Variants in PTPRD observed in about 807,000 individuals in gnomAD.
The protein encoded by PTPRD is receptor-type tyrosine-protein phosphatase delta.
Under a neutral mutation model 214.5 loss-of-function variants are expected in PTPRD, and 34 were observed. The observed-to-expected ratio is 0.16, with a 90% confidence interval of 0.12 to 0.21. PTPRD has a LOEUF of 0.21. PTPRD is among the 10% of genes least tolerant of loss of function. PTPRD has a pLI of 1.00. For synonymous variants in PTPRD, 1,128 were observed against 845.7 expected (o/e 1.33, Z -5.79); for missense variants, 2,545 against 2,398.7 (o/e 1.06, Z -1.27).
intron 4 of PTPRD, among the ~76,000 whole-genome samples, chr9:10,020,236 C>G (rs1388581192): frequency 6.6e-6 from 1 of 152,088 alleles, no homozygotes; most frequent in Non-Finnish European, 1.5e-5. Flanking sequence ...TAAAATGAAC[C>G]AACAATTTGG....
intron 42 of PTPRD, 106 bp downstream of exon 42, chr9:8,340,237 T>C (rs1034068874): frequency 7.5e-6 from 10 of 1,340,442 alleles, no homozygotes; most frequent in Non-Finnish European, 1.0e-5. Flanking sequence ...CAGAGTGCAC[T>C]GCATTTCAAA....
At chr9:10,305,269 A>C (rs2096018590) in intron 3 of PTPRD, among the ~76,000 whole-genome samples, 1 of 152,082 alleles carries the variant, frequency 6.6e-6, no homozygotes, top group Non-Finnish European at 1.5e-5. Context: ...AGATGGATTA[A>C]AGACTTAAAC....
At chr9:10,182,793 T>G (rs1158704595) in intron 3 of PTPRD, among the ~76,000 whole-genome samples, 2 of 152,176 alleles carry the variant, frequency 1.3e-5, no homozygotes, top group African/African-American at 4.8e-5. Context: ...GCAATCATCC[T>G]AGAAATAATC....
chr9:8,720,193 A>C (rs533926094), intron 12 of PTPRD, among the ~76,000 whole-genome samples: 1 of 152,294 alleles, frequency 6.6e-6, no homozygotes, highest in South Asian at 2.1e-4. Context: ...CTTGGCTCTT[A>C]TATCTAGCTC....
intron 4 of PTPRD, among the ~76,000 whole-genome samples, chr9:10,009,839 G>T (rs1287634017): frequency 6.6e-6 from 1 of 151,872 alleles, no homozygotes; most frequent in African/African-American, 2.4e-5. Flanking sequence ...ACTAGAGTCT[G>T]CTTGGAATTT....
chr9:9,539,877 G>A (rs993012476), intron 8 of PTPRD, among the ~76,000 whole-genome samples: 10 of 151,742 alleles, frequency 6.6e-5, no homozygotes, highest in African/African-American at 2.4e-4. Context: ...TTAAATCAAT[G>A]GTTTTCAGCC....
intron 9 of PTPRD, among the ~76,000 whole-genome samples, chr9:9,340,687 G>A (rs9408761): frequency 0.061 from 9,232 of 152,244 alleles, 938 homozygotes; most frequent in African/African-American, 0.21. Flanking sequence ...GAAAGCTGTT[G>A]GACATGCTGT....
intron 5 of PTPRD, among the ~76,000 whole-genome samples, chr9:9,909,769 G>A (rs1217030088): frequency 6.9e-6 from 1 of 144,178 alleles, no homozygotes; most frequent in African/African-American, 2.7e-5. Context: ...CATCATTTGT[G>A]GATTGAATGT....
chr9:9,687,623 A>T (rs2097188873), intron 7 of PTPRD, among the ~76,000 whole-genome samples: 2 of 151,704 alleles, frequency 1.3e-5, no homozygotes, highest in Admixed American at 1.3e-4. Flanking sequence ...CTTAAAGTAT[A>T]ATAATAAAAA....
At chr9:9,791,245 T>C (rs781206354) in intron 5 of PTPRD, among the ~76,000 whole-genome samples, 1 of 152,154 alleles carries the variant, frequency 6.6e-6, no homozygotes, top group Non-Finnish European at 1.5e-5. Context: ...TAAAATCGGA[T>C]TATACCTTTA....
chr9:8,985,682 A>G (rs914026009), intron 11 of PTPRD, among the ~76,000 whole-genome samples: 6 of 151,910 alleles, frequency 3.9e-5, no homozygotes, highest in African/African-American at 7.2e-5. Context: ...TAGGTGGTAA[A>G]GCTGGGATAC....
At chr9:8,824,911 A>G (rs1039757662) in intron 11 of PTPRD, among the ~76,000 whole-genome samples, 1 of 152,200 alleles carries the variant, frequency 6.6e-6, no homozygotes, top group African/African-American at 2.4e-5. Context: ...CATTTTCACT[A>G]AAGATAAATT....
At chr9:9,669,587 A>T (rs1174532072) in intron 7 of PTPRD, among the ~76,000 whole-genome samples, 1 of 152,194 alleles carries the variant, frequency 6.6e-6, no homozygotes, top group East Asian at 1.9e-4. Context: ...TAAACTTGTT[A>T]AAAATATCAG....
At chr9:10,111,984 A>C (rs1209293571) in intron 3 of PTPRD, among the ~76,000 whole-genome samples, 1 of 152,176 alleles carries the variant, frequency 6.6e-6, no homozygotes, top group East Asian at 1.9e-4. Flanking sequence ...CTTTCTTTTC[A>C]CATGATTTTG....
intron 7 of PTPRD, among the ~76,000 whole-genome samples, chr9:9,704,482 G>C (rs1386009676): frequency 3.3e-5 from 5 of 152,134 alleles, no homozygotes; most frequent in African/African-American, 7.2e-5. Context: ...TTGAAAGATA[G>C]CCACAAGTTC....
chr9:10,364,841 C>T (rs1027390048), intron 2 of PTPRD, among the ~76,000 whole-genome samples: 3 of 152,160 alleles, frequency 2.0e-5, no homozygotes, highest in African/African-American at 7.2e-5. Context: ...TCGTAGCTCA[C>T]TAAAATTTCA....
chr9:9,062,978 T>C (rs896113108), intron 10 of PTPRD, among the ~76,000 whole-genome samples: 1 of 152,144 alleles, frequency 6.6e-6, no homozygotes, highest in Non-Finnish European at 1.5e-5. Flanking sequence ...ATGAGAAATG[T>C]AATATCACAG....
intron 31 of PTPRD, among the ~76,000 whole-genome samples, chr9:8,466,261 G>C (rs2096542442): frequency 6.6e-6 from 1 of 151,824 alleles, no homozygotes; most frequent in Non-Finnish European, 1.5e-5. Context: ...ACTTGACTTA[G>C]CTCCCTGGTT....
At chr9:10,258,106 C>A (rs776541558) in intron 3 of PTPRD, among the ~76,000 whole-genome samples, 8 of 152,150 alleles carry the variant, frequency 5.3e-5, no homozygotes, top group African/African-American at 1.9e-4. Flanking sequence ...TCAGCCAATT[C>A]CACTCCTGGT....
Sources: gnomAD v4.1 joint callset for allele counts (sites outside exome capture counted in the v4.1 genomes callset) on GRCh38, gnomAD v4.1.1 for gene constraint, MANE v1.5 for transcripts, NCBI Gene and HGNC (gene_info 2026-07-23, HGNC 2026-07-21) for gene names.